The following NOS3 variants were observed in gnomAD, a reference collection of about 807,000 sequenced individuals.
NOS3 encodes nitric oxide synthase 3, also known as NOS type III.
Under a neutral mutation model 144.9 loss-of-function variants are expected in NOS3, and 98 were observed. The ratio of observed to expected loss-of-function variants is 0.68; its 90% CI spans 0.57 to 0.80. The LOEUF (loss-of-function observed/expected upper bound fraction) is 0.80, where lower values mean the gene tolerates loss of function less well. Among genes scored for constraint, NOS3 ranks in the 30% least tolerant of loss-of-function variants. The pLI is 0.00. For missense variants in NOS3, 1,465 were observed against 1,656.4 expected (o/e 0.88, Z 2.01); for synonymous variants, 714 against 702.4 (o/e 1.02, Z -0.26).
chr7:151,012,321 G>C, intron 23 of NOS3, 30 bp from the exon 24 acceptor site: 2 of 1,519,048 alleles, frequency 1.3e-6, no homozygotes, highest in Admixed American at 2.0e-5. Context: ...GAAAGGCAAA[G>C]GGGACCTGAT....
Position 151,001,525 on chromosome 7 carries a change from C to A in NOS3, c.1429-19C>A. Reference sequence around the variant, plus strand: ...TCCTTTTCTTTACCTCCCCTCCCAACCCCATCATCTCTCTGCAGCCAGACC... The same window carrying A: ...TCCTTTTCTTTACCTCCCCTCCCAAACCCATCATCTCTCTGCAGCCAGACC... On this transcript the variant is annotated intron_variant, in intron 11 of 26. Coordinates refer to ENST00000297494, the MANE Select transcript of NOS3 (RefSeq NM_000603.5). The A allele has an allele frequency of 1.2e-6, 2 of 1,613,098 alleles. No homozygotes were observed. Among genetic ancestry groups the A allele is most frequent in the Non-Finnish European group, 1.7e-6 (2 of 1,179,224 alleles).
In NOS3 at chr7:151,002,316, C is replaced by T. The variant is rs772741192; in HGVS notation, c.1752+12C>T. ...CGGAGAATGGAGAGGTGAGAACTTC[C>T]AGGAAAGGGGCTGCTGGGAATGAGG... is the stretch of plus-strand genomic sequence containing the variant. On this transcript the variant is annotated intron_variant, in intron 14 of 26. Coordinates refer to ENST00000297494, the MANE Select transcript of NOS3 (RefSeq NM_000603.5). This position sits in a 1 kb window ranked among gnomAD's most constrained non-coding sequence, Gnocchi z 4.1. The T allele has an allele frequency of 6.8e-7, 1 of 1,471,126 alleles. No homozygotes were observed. The highest frequency in any genetic ancestry group is 1.2e-5 in the South Asian group (1 of 84,080). The allele number at this position is 1,471,126 out of a possible 1,614,324, so 91.1% of individuals were successfully genotyped here.
chr7:151,009,697 C>T (rs1429932332), intron 20 of NOS3, 112 bp downstream of exon 20: 1 of 881,540 alleles, frequency 1.1e-6, no homozygotes, highest in Non-Finnish European at 1.7e-6. Context: ...CCACCTCCTC[C>T]ACAGCTCAGC....
At position 151,009,569 on chromosome 7, in the gene NOS3, G is replaced by T; in HGVS notation, c.2496G>T (p.Leu832=). ...APTEPVAVEQ[L]EKGSPGGPPP... ...CTGAGCCCGTGGCAGTAGAGCAGCT[G>T]GAGAAGGGCAGCCCTGGTGAGGGGC... Residue 832 remains leucine, a synonymous_variant, in exon 20 of 27, where the codon CTG becomes CTT. Transcript: ENST00000297494. 1 of 1,538,410 alleles carries T rather than the reference G, an allele frequency of 6.5e-7. No individual in the cohort carries two copies.
Position 151,007,313 on chromosome 7 carries a change from C to G in NOS3, c.2112+37C>G, listed in dbSNP as rs558899370. ...CCAGCCCCTGCTCTGACTCCTGCCC[C>G]CTGGGATGCCTCCTCCTGCCTCACT... is the stretch of plus-strand genomic sequence containing the variant. On this transcript the variant is annotated intron_variant, in intron 17 of 26. Coordinates refer to ENST00000297494, the MANE Select transcript of NOS3 (RefSeq NM_000603.5). 4 of 1,549,622 alleles carry G rather than the reference C, an allele frequency of 2.6e-6. No homozygotes were observed. The East Asian group carries it at 6.8e-5, about 26-fold the overall frequency.
At chr7:151,005,541 G>A (rs765130871) in intron 14 of NOS3, among the ~76,000 whole-genome samples, 2 of 152,186 alleles carry the variant, frequency 1.3e-5, no homozygotes, top group East Asian at 1.9e-4. Context: ...TGCTCTAGCC[G>A]TTGTTAGCCA....
intron 5 of NOS3, among the ~76,000 whole-genome samples, chr7:150,997,823 C>T (rs1802465682): frequency 6.6e-6 from 1 of 152,196 alleles, no homozygotes; most frequent in East Asian, 1.9e-4. Flanking sequence ...CTCCCCTGCC[C>T]CTGTCACTGA....
chr7:151,006,770 G>A (rs1327750077), intron 15 of NOS3, 119 bp from the exon 16 acceptor site: 5 of 852,680 alleles, frequency 5.9e-6, no homozygotes, highest in Non-Finnish European at 9.6e-6. Context: ...CCCCTCCCAA[G>A]GGCAGGGCCT....
chr7:151,007,284 C>A lies in NOS3; in HGVS notation c.2112+8C>A. The A allele has an allele frequency of 6.3e-7, 1 of 1,589,978 alleles. No individual in the cohort carries two copies. Among genetic ancestry groups the A allele is most frequent in the Non-Finnish European group, 8.5e-7 (1 of 1,173,126 alleles). ...GCCCAGGCTGCCTTCCAGGTGAGCC[C>A]AGCCCAGCCCCTGCTCTGACTCCTG... On this transcript the variant is annotated splice_region_variant and intron_variant, in intron 17 of 26. Coordinates refer to ENST00000297494, the MANE Select transcript of NOS3 (RefSeq NM_000603.5).
chr7:150,995,168 C>T, intron 2 of NOS3, 35 bp from the exon 3 acceptor site: 1 of 1,266,650 alleles, frequency 7.9e-7, no homozygotes, highest in South Asian at 1.2e-5. Context: ...AGGAAACAAA[C>T]CCTTCCTGAT....
chr7:151,005,451 A>G (rs759477172), intron 14 of NOS3, among the ~76,000 whole-genome samples: 2 of 152,136 alleles, frequency 1.3e-5, no homozygotes, highest in Non-Finnish European at 2.9e-5. Flanking sequence ...AACCTGCACA[A>G]TGTCTGCTAG....
At chr7:150,999,494 A>G in intron 9 of NOS3, 130 bp downstream of exon 9, 1 of 979,014 alleles carries the variant, frequency 1.0e-6, no homozygotes, top group Non-Finnish European at 1.5e-6. Context: ...CTAAATGGGA[A>G]CTGAGGACAA....
At chr7:151,013,453 C>A in intron 25 of NOS3, 74 bp downstream of exon 25, 2 of 1,515,734 alleles carry the variant, frequency 1.3e-6, no homozygotes, top group Non-Finnish European at 8.9e-7. Flanking sequence ...TCCAGCGGGG[C>A]ACACCAACCA....
In NOS3 at chr7:150,996,868, G is replaced by C. The variant is rs1387125140; in HGVS notation, c.525G>C (p.Lys175Asn). Residue 175 changes from lysine to asparagine, a missense_variant, in exon 5 of 27, where the codon AAG (lysine) becomes AAC (asparagine). Lys to Asn is a moderately conservative substitution (Grantham distance 94, BLOSUM62 0). This residue lies in a region of NOS3 where 374 missense variants were observed against 377.0 expected (regional missense o/e 0.99). Transcript: ENST00000297494. ...LRESELVFGA[K>N]QAWRNAPRCV... is the part of the protein sequence containing the mutation. ...AGAGCGAGCTGGTGTTCGGGGCTAA[G>C]CAGGCCTGGCGCAACGCTCCCCGCT... 17 of 1,591,754 alleles carry C rather than the reference G, an allele frequency of 1.1e-5. No homozygotes were observed. Among genetic ancestry groups the C allele is most frequent in the Non-Finnish European group, 1.4e-5 (16 of 1,170,148 alleles).
At position 151,002,209 on chromosome 7, in the gene NOS3, A is replaced by G; in HGVS notation, c.1657A>G (p.Met553Val). ...GTCTTCCCACCCACAGGTCCTGTGT[A>G]TGGATGAGTATGACGTGGTGTCCCT... ...RKAFDPRVLC[M>V]DEYDVVSLEH... The change falls in exon 14 of 27, where the codon ATG becomes GTG. Residue 553 changes from methionine to valine, a missense_variant. Coordinates refer to ENST00000297494, the MANE Select transcript of NOS3 (RefSeq NM_000603.5). This position sits in a 1 kb window ranked among gnomAD's most constrained non-coding sequence, Gnocchi z 4.1. The G allele has an allele frequency of 1.3e-6, 2 of 1,592,254 alleles. No individual in the cohort carries two copies. Among genetic ancestry groups the G allele is most frequent in the Non-Finnish European group, 1.7e-6 (2 of 1,167,884 alleles).
intron 3 of NOS3, 71 bp from the exon 4 acceptor site, chr7:150,996,333 C>A (rs1391848986): frequency 4.7e-6 from 2 of 424,970 alleles, no homozygotes; most frequent in African/African-American, 5.5e-5. Flanking sequence ...TGCACCCCTC[C>A]TCCCTGCCCC....
At chr7:151,004,525 T>C (rs781346673) in intron 14 of NOS3, among the ~76,000 whole-genome samples, 1 of 152,202 alleles carries the variant, frequency 6.6e-6, no homozygotes, top group Non-Finnish European at 1.5e-5. Flanking sequence ...TTGTTTGTAA[T>C]ACCCCACACT....
chr7:151,010,854 C>A, intron 22 of NOS3, 45 bp from the exon 23 acceptor site: 7 of 1,605,766 alleles, frequency 4.4e-6, no homozygotes, highest in Non-Finnish European at 6.0e-6. Context: ...GGGTTGGGAC[C>A]GGCCCCTCTC....
intron 14 of NOS3, among the ~76,000 whole-genome samples, chr7:151,005,911 C>T (rs1348280733): frequency 6.6e-6 from 1 of 152,160 alleles, no homozygotes; most frequent in Admixed American, 6.5e-5. Flanking sequence ...ACCTATAGAT[C>T]TAGCTACTAG....
Sources: allele counts gnomAD v4.1 joint callset (sites outside exome capture counted in the v4.1 genomes callset), GRCh38; gene constraint gnomAD v4.1.1; regional missense constraint gnomAD v4.1.1; non-coding constraint Gnocchi (gnomAD v3.1); transcripts MANE v1.5; gene names NCBI Gene and HGNC (gene_info 2026-07-23, HGNC 2026-07-21).